NELL1: variants seen among roughly 807,000 people sequenced by gnomAD.
NELL1 encodes neural EGFL like 1.
In NELL1, 76 loss-of-function variants were observed where a neutral mutation model predicts 107.4. The ratio of observed to expected loss-of-function variants is 0.71; its 90% CI spans 0.59 to 0.86. The LOEUF (loss-of-function observed/expected upper bound fraction) is 0.86. Among genes scored for constraint, NELL1 ranks in the 40% least tolerant of loss-of-function variants. The probability of loss-of-function intolerance (pLI) is 0.00; values close to 1 mark genes in which losing one functional copy is unlikely to be tolerated. For missense variants in NELL1, 1,024 were observed against 1,005.5 expected, an observed-to-expected ratio of 1.02 and a Z score of -0.25; for synonymous variants, 353 against 341.2, an observed-to-expected ratio of 1.03 and a Z score of -0.38.
chr11:20,815,635 T>A (rs938341934), intron 3 of NELL1, among the ~76,000 whole-genome samples: 1 of 152,246 alleles, frequency 6.6e-6, no homozygotes, highest in Non-Finnish European at 1.5e-5. Context: ...TTTATCTTGC[T>A]GTGCAGATGC....
intron 2 of NELL1, among the ~76,000 whole-genome samples, chr11:20,768,073 A>G (rs1207375293): frequency 6.6e-6 from 1 of 152,220 alleles, no homozygotes; most frequent in East Asian, 1.9e-4. Context: ...CCATGCAAAG[A>G]TAATATTATT....
intron 7 of NELL1, among the ~76,000 whole-genome samples, chr11:20,921,837 C>G (rs968601059): frequency 3.4e-5 from 5 of 144,962 alleles, no homozygotes; most frequent in Admixed American, 7.0e-5. Flanking sequence ...TCTTAATGCA[C>G]GCTTTTGGCT....
intron 13 of NELL1, among the ~76,000 whole-genome samples, chr11:21,121,412 G>C (rs939019108): frequency 2.0e-5 from 3 of 152,056 alleles, no homozygotes; most frequent in Admixed American, 1.3e-4. Context: ...CTATAGATGG[G>C]GCCTCATGGG....
At chr11:20,773,892 A>G (rs764925271) in intron 2 of NELL1, among the ~76,000 whole-genome samples, 11 of 152,126 alleles carry the variant, frequency 7.2e-5, no homozygotes, top group Non-Finnish European at 1.3e-4. Flanking sequence ...TAAGTCCCTG[A>G]TGAGGGACTC....
chr11:21,294,959 C>T (rs1043503658), intron 14 of NELL1, among the ~76,000 whole-genome samples: 6 of 152,122 alleles, frequency 3.9e-5, no homozygotes, highest in African/African-American at 1.4e-4. Context: ...CTCACAACTA[C>T]TACATAGCTG....
chr11:20,991,444 T>A (rs1037900696), intron 12 of NELL1, among the ~76,000 whole-genome samples: 1 of 152,230 alleles, frequency 6.6e-6, no homozygotes, highest in African/African-American at 2.4e-5. Flanking sequence ...GTGCAATAGG[T>A]GACCTTATTC....
At chr11:21,334,899 A>G (rs1445990491) in intron 14 of NELL1, among the ~76,000 whole-genome samples, 1 of 151,938 alleles carries the variant, frequency 6.6e-6, no homozygotes, top group Non-Finnish European at 1.5e-5. Context: ...GAAGAGAAAA[A>G]AACAGATAAA....
At chr11:20,874,529 T>C (rs1034669095) in intron 4 of NELL1, among the ~76,000 whole-genome samples, 8 of 152,234 alleles carry the variant, frequency 5.3e-5, no homozygotes, top group African/African-American at 1.7e-4. Context: ...GCAATGCTTG[T>C]CTTTTAGGGT....
chr11:20,844,485 T>TCC (rs2134053638), intron 3 of NELL1, among the ~76,000 whole-genome samples: 1 of 152,294 alleles, frequency 6.6e-6, no homozygotes, highest in South Asian at 2.1e-4. Flanking sequence ...TTATCATTTA[T>TCC]ACAGCTGCCC....
chr11:21,490,554 A>G (rs1249829550), intron 15 of NELL1, among the ~76,000 whole-genome samples: 1 of 152,074 alleles, frequency 6.6e-6, no homozygotes, highest in African/African-American at 2.4e-5. Flanking sequence ...AAAATATATT[A>G]CAAGGCTATA....
chr11:21,264,728 G>A (rs1265862514), intron 14 of NELL1, among the ~76,000 whole-genome samples: 1 of 151,660 alleles, frequency 6.6e-6, no homozygotes, highest in East Asian at 1.9e-4. Flanking sequence ...ATGGTTGCCT[G>A]AGCTGGTGAC....
At chr11:21,447,140 C>T (rs1358697666) in intron 15 of NELL1, among the ~76,000 whole-genome samples, 1 of 151,950 alleles carries the variant, frequency 6.6e-6, no homozygotes, top group Non-Finnish European at 1.5e-5. Context: ...ATGGTGAATA[C>T]TGCTATGCCT....
At chr11:21,070,306 T>G (rs894531311) in intron 12 of NELL1, among the ~76,000 whole-genome samples, 6 of 152,158 alleles carry the variant, frequency 3.9e-5, no homozygotes, top group Non-Finnish European at 7.3e-5. Context: ...TTTCAGGAGT[T>G]AAACTGCCCT....
At chr11:20,904,696 A>G (rs1462816171) in intron 5 of NELL1, among the ~76,000 whole-genome samples, 2 of 152,086 alleles carry the variant, frequency 1.3e-5, no homozygotes, top group Non-Finnish European at 2.9e-5. Flanking sequence ...AAGCCTGGCT[A>G]AGTGTTGAAG....
chr11:21,368,463 C>T (rs575709098), intron 14 of NELL1, among the ~76,000 whole-genome samples: 2 of 151,748 alleles, frequency 1.3e-5, no homozygotes, highest in South Asian at 2.1e-4. Context: ...TAGATTAACC[C>T]ACACTGTAAC....
intron 12 of NELL1, among the ~76,000 whole-genome samples, chr11:20,967,372 A>G (rs1202675282): frequency 6.6e-6 from 1 of 151,918 alleles, no homozygotes. Flanking sequence ...AATATTTTGC[A>G]TTTTATAAAA....
intron 13 of NELL1, among the ~76,000 whole-genome samples, chr11:21,175,223 C>T (rs1056562534): frequency 8.6e-5 from 13 of 151,848 alleles, no homozygotes; most frequent in African/African-American, 2.9e-4. Context: ...GAGCCAGTAA[C>T]CGCATTAACA....
chr11:21,227,687 A>G (rs1199326884), intron 13 of NELL1, among the ~76,000 whole-genome samples: 1 of 152,294 alleles, frequency 6.6e-6, no homozygotes, highest in Middle Eastern at 3.4e-3. Flanking sequence ...TGACTTAAGC[A>G]CAGACTTGAA....
intron 2 of NELL1, among the ~76,000 whole-genome samples, chr11:20,754,302 G>A (rs572651727): frequency 2.0e-4 from 30 of 152,292 alleles, no homozygotes; most frequent in Admixed American, 6.5e-4. Flanking sequence ...AAATGTGAGC[G>A]TGTTGATAAT....
Sources: gnomAD v4.1 joint callset for allele counts (sites outside exome capture counted in the v4.1 genomes callset) on GRCh38, gnomAD v4.1.1 for gene constraint, MANE v1.5 for transcripts, NCBI Gene and HGNC (gene_info 2026-07-23, HGNC 2026-07-21) for gene names.